Variants in ACTR3C observed in about 807,000 individuals in gnomAD.
ACTR3C encodes actin related protein 3C.
A neutral mutation model predicts 26.3 loss-of-function variants in ACTR3C; 18 were observed. That is an observed-to-expected ratio of 0.68 (90% CI 0.47 to 1.01). The LOEUF is 1.01. Among genes scored for constraint, ACTR3C ranks in the 50% least tolerant of loss-of-function variants. The pLI is 0.00. For missense variants in ACTR3C, 184 were observed against 250.7 expected (o/e 0.73, Z 1.80); for synonymous variants, 55 against 94.5 (o/e 0.58, Z 2.42).
At chr7:150,283,777 T>C (rs1452422913) in intron 6 of ACTR3C, among the ~76,000 whole-genome samples, 1 of 151,004 alleles carries the variant, frequency 6.6e-6, no homozygotes, top group African/African-American at 2.5e-5. Flanking sequence ...GATTCTCTTC[T>C]CTGTACAATT....
At chr7:150,198,584 G>C in the ACTR3C span, among the ~76,000 whole-genome samples, 1 of 149,286 alleles carries the variant, frequency 6.7e-6, no homozygotes, top group Non-Finnish European at 1.5e-5. Flanking sequence ...CCCCGTCTGA[G>C]AAGTGAGGAG....
At chr7:150,025,130 T>C in the ACTR3C span, among the ~76,000 whole-genome samples, 134,496 of 141,840 alleles carry the variant, frequency 0.95, 64,042 homozygotes, top group East Asian at 1. Context: ...GAACTGCAAG[T>C]GGATATAAGC....
chr7:149,904,308 A>T, the ACTR3C span, among the ~76,000 whole-genome samples: 1 of 150,484 alleles, frequency 6.6e-6, no homozygotes, highest in Non-Finnish European at 1.5e-5. Flanking sequence ...GAGGTGGGTG[A>T]ATCACAAGGT....
the ACTR3C span, among the ~76,000 whole-genome samples, chr7:149,998,562 CA>C: frequency 1.3e-5 from 2 of 149,396 alleles, no homozygotes; most frequent in Non-Finnish European, 3.0e-5. Flanking sequence ...AAGTGCTGAG[CA>C]AAAGGGGAAA....
At chr7:150,059,469 T>C in the ACTR3C span, among the ~76,000 whole-genome samples, 148 of 152,252 alleles carry the variant, frequency 9.7e-4, 1 homozygote, top group African/African-American at 3.5e-3. Flanking sequence ...TGGAGGCAAA[T>C]GTGTGTCAAT....
chr7:149,917,738 G>A, the ACTR3C span, among the ~76,000 whole-genome samples: 1 of 146,550 alleles, frequency 6.8e-6, no homozygotes, highest in South Asian at 2.2e-4. Flanking sequence ...CTGGCCTCAA[G>A]CAATCATCTG....
chr7:150,040,673 T>C, the ACTR3C span: 1 of 145,812 alleles, frequency 6.9e-6, no homozygotes, highest in Non-Finnish European at 1.5e-5. Flanking sequence ...CGTCGGAAGA[T>C]TTGAGCTTTC....
At chr7:150,002,348 C>T in the ACTR3C span, 1 of 147,776 alleles carries the variant, frequency 6.8e-6, no homozygotes, top group African/African-American at 2.4e-5. Context: ...TGAGCAGAAA[C>T]ATGCAGCTCT....
chr7:150,251,809 T>A (rs1274191512), intron 6 of ACTR3C, among the ~76,000 whole-genome samples: 1 of 152,182 alleles, frequency 6.6e-6, no homozygotes, highest in Admixed American at 6.5e-5. Context: ...GGTTTTTGTT[T>A]ATTATCCTTT....
chr7:150,042,106 C>G, the ACTR3C span, among the ~76,000 whole-genome samples: 5 of 85,744 alleles, frequency 5.8e-5, no homozygotes, highest in Non-Finnish European at 9.7e-5. Context: ...CGGGGGGTGC[C>G]TCCCCCCTCT....
chr7:150,038,993 C>G, the ACTR3C span, among the ~76,000 whole-genome samples: 619 of 78,808 alleles, frequency 7.9e-3, 59 homozygotes, highest in African/African-American at 0.035. Flanking sequence ...TCGGGGTCCT[C>G]AGAGCCGGGG....
chr7:150,255,242 ATT>A (rs745713614), intron 6 of ACTR3C, among the ~76,000 whole-genome samples: 1,732 of 85,644 alleles, frequency 0.02, 22 homozygotes, highest in African/African-American at 0.065. Context: ...TTTGTAGGGG[ATT>A]TTTTTTTTTT....
the ACTR3C span, among the ~76,000 whole-genome samples, chr7:149,992,872 A>G: frequency 6.6e-6 from 1 of 152,330 alleles, no homozygotes; most frequent in Non-Finnish European, 1.5e-5. Flanking sequence ...GTCCAAGTCC[A>G]AAAGCCTCAA....
the ACTR3C span, among the ~76,000 whole-genome samples, chr7:150,232,371 A>C: frequency 6.6e-6 from 1 of 152,078 alleles, no homozygotes; most frequent in African/African-American, 2.4e-5. Context: ...ATGACTATTG[A>C]TATTATTAGG....
the ACTR3C span, among the ~76,000 whole-genome samples, chr7:150,237,883 G>GT: frequency 1.5e-4 from 21 of 140,788 alleles, no homozygotes; most frequent in East Asian, 4.2e-4. Flanking sequence ...CAGGCACTCT[G>GT]TTTTTTTTTC....
chr7:150,029,410 AAAAAAAACAAAC>A, the ACTR3C span, among the ~76,000 whole-genome samples: 124 of 97,246 alleles, frequency 1.3e-3, 6 homozygotes, highest in African/African-American at 6.2e-3. Flanking sequence ...AAACAAAAAA[AAAAAAAACAAAC>A]AAAAAAAAAC....
chr7:150,287,085 G>C (rs1835839553), intron 4 of ACTR3C, among the ~76,000 whole-genome samples: 2 of 152,026 alleles, frequency 1.3e-5, no homozygotes, highest in African/African-American at 4.8e-5. Context: ...CCACAGCACT[G>C]TCATCAGCTC....
the ACTR3C span, among the ~76,000 whole-genome samples, chr7:149,934,068 T>C: frequency 6.6e-6 from 1 of 151,154 alleles, no homozygotes; most frequent in South Asian, 2.1e-4. Flanking sequence ...AATGCATGCA[T>C]TCTGGGTGTC....
the ACTR3C span, among the ~76,000 whole-genome samples, chr7:149,948,572 G>A: frequency 3.3e-5 from 5 of 151,356 alleles, no homozygotes; most frequent in African/African-American, 9.8e-5. Flanking sequence ...TGGCTGGAAC[G>A]TTGGCCAGCA....
Sources: allele counts gnomAD v4.1 joint callset (sites outside exome capture counted in the v4.1 genomes callset), GRCh38; gene constraint gnomAD v4.1.1; transcripts MANE v1.5; gene names NCBI Gene and HGNC (gene_info 2026-07-23, HGNC 2026-07-21).